The following DPYS variants were observed in gnomAD, a reference collection of about 807,000 sequenced individuals.
DPYS encodes dihydropyrimidine amidohydrolase.
In DPYS, 39 loss-of-function variants were observed where a neutral mutation model predicts 50.3. The ratio of observed to expected loss-of-function variants is 0.78; its 90% CI spans 0.60 to 1.01. The LOEUF is 1.01. Ranked by LOEUF, DPYS falls within the 50% of genes least tolerant of loss-of-function variation. DPYS has a pLI of 0.00. For synonymous variants in DPYS, 245 were observed against 250.7 expected, an observed-to-expected ratio of 0.98 and a Z score of 0.22; for missense variants, 659 against 680.9, an observed-to-expected ratio of 0.97 and a Z score of 0.36.
At chr8:104,411,906 A>C (rs117145281) in intron 7 of DPYS, 3 of 152,236 alleles carry the variant, frequency 2.0e-5, no homozygotes, top group Non-Finnish European at 4.4e-5. Flanking sequence ...TAACCTCAGC[A>C]TAAAAAAAAA....
chr8:104,410,488 G>T (rs907853269), intron 7 of DPYS, among the ~76,000 whole-genome samples: 2 of 152,066 alleles, frequency 1.3e-5, no homozygotes, highest in Admixed American at 1.3e-4. Context: ...AACTGAGAGC[G>T]CTTCCAAGGA....
At chr8:104,403,618 C>CT (rs912898603) in intron 7 of DPYS, among the ~76,000 whole-genome samples, 30 of 152,090 alleles carry the variant, frequency 2.0e-4, no homozygotes, top group South Asian at 8.3e-4. Flanking sequence ...AAACTTAACT[C>CT]TTTTTTTTGA....
chr8:104,423,080 C>G (rs1167885659), intron 7 of DPYS, among the ~76,000 whole-genome samples: 1 of 152,140 alleles, frequency 6.6e-6, no homozygotes, highest in African/African-American at 2.4e-5. Flanking sequence ...GCAATAGTTC[C>G]TTATTAACAT....
At chr8:104,396,734 G>A (rs1811601451) in intron 7 of DPYS, among the ~76,000 whole-genome samples, 1 of 149,542 alleles carries the variant, frequency 6.7e-6, no homozygotes, top group African/African-American at 2.5e-5. Flanking sequence ...TATCTTCAGT[G>A]TTCTTGTTAT....
At chr8:104,424,770 G>C (rs953080867) in intron 6 of DPYS, among the ~76,000 whole-genome samples, 9 of 151,450 alleles carry the variant, frequency 5.9e-5, no homozygotes, top group African/African-American at 2.2e-4. Flanking sequence ...TAAGATTTAT[G>C]AGATAATCAT....
chr8:104,418,381 A>G, intron 7 of DPYS, among the ~76,000 whole-genome samples: 1 of 152,236 alleles, frequency 6.6e-6, no homozygotes, highest in East Asian at 1.9e-4. Context: ...CCTGCATTTA[A>G]TGTTAAAATC....
chr8:104,416,141 G>A (rs1267673447), intron 7 of DPYS, among the ~76,000 whole-genome samples: 1 of 152,158 alleles, frequency 6.6e-6, no homozygotes, highest in Non-Finnish European at 1.5e-5. Context: ...GGCAGACTAG[G>A]AATTTATCAC....
In DPYS at chr8:104,466,681, G is replaced by T. The variant is rs979626563; in HGVS notation, c.240C>A (p.Ile80=). 6.6e-7 allele frequency: 1 copy of T among 1,526,112 alleles called. No individual in the cohort carries two copies. The highest frequency in any genetic ancestry group is 8.8e-7 in the Non-Finnish European group (1 of 1,140,408). 94.5% of individuals were successfully genotyped at this position (1,526,112 alleles called of 1,614,324 possible). The change falls in exon 1 of 10, where the codon ATC becomes ATA. Residue 80 remains isoleucine, a synonymous_variant. Coordinates refer to ENST00000351513, the MANE Select transcript of DPYS (RefSeq NM_001385.3). ...CCTTGGTGCCCTGGTGGAAGTCGTC[G>T]ATGGACCGCGAGCCCATGAAGGGGA... ...MQFPFMGSRS[I]DDFHQGTKAA... is the part of the protein sequence containing the mutation.
intron 4 of DPYS, among the ~76,000 whole-genome samples, chr8:104,437,510 C>A (rs988476601): frequency 6.6e-6 from 1 of 152,098 alleles, no homozygotes; most frequent in Middle Eastern, 3.2e-3. Flanking sequence ...AAATGCCATG[C>A]CAACATCTGG....
chr8:104,410,646 A>C (rs2140570887), intron 7 of DPYS, among the ~76,000 whole-genome samples: 1 of 152,212 alleles, frequency 6.6e-6, no homozygotes, highest in East Asian at 1.9e-4. Flanking sequence ...GTGCCAGGCA[A>C]ATTGGGAAGC....
chr8:104,460,910 C>A (rs1814133021), intron 1 of DPYS, among the ~76,000 whole-genome samples: 1 of 152,102 alleles, frequency 6.6e-6, no homozygotes. Flanking sequence ...TCAGCCTCAC[C>A]AGTTATTAAA....
chr8:104,465,855 AC>A (rs1814360010), intron 1 of DPYS, among the ~76,000 whole-genome samples: 1 of 152,082 alleles, frequency 6.6e-6, no homozygotes, highest in African/African-American at 2.4e-5. Context: ...GCCTACCTTC[AC>A]CTGGGGAGTG....
chr8:104,425,858 A>C (rs1241536119), intron 6 of DPYS, among the ~76,000 whole-genome samples: 5 of 152,146 alleles, frequency 3.3e-5, no homozygotes, highest in African/African-American at 1.2e-4. Flanking sequence ...TTGCCTTAAA[A>C]ATGACTAAGA....
intron 1 of DPYS, among the ~76,000 whole-genome samples, chr8:104,465,832 T>C (rs1159625697): frequency 6.6e-6 from 1 of 152,158 alleles, no homozygotes; most frequent in African/African-American, 2.4e-5. Flanking sequence ...CCTTTGTATC[T>C]AGAGAAACCC....
At chr8:104,444,547 T>G in intron 3 of DPYS, 110 bp from the exon 4 acceptor site, 4 of 1,202,374 alleles carry the variant, frequency 3.3e-6, no homozygotes, top group Non-Finnish European at 4.8e-6. Flanking sequence ...CTGTTAGGTA[T>G]AGGGGTGTGT....
chr8:104,434,296 G>T (rs781643925), intron 4 of DPYS, among the ~76,000 whole-genome samples: 4 of 152,202 alleles, frequency 2.6e-5, no homozygotes, highest in Non-Finnish European at 5.9e-5. Context: ...AGGCTTCAGA[G>T]AGAATAAATT....
intron 7 of DPYS, among the ~76,000 whole-genome samples, chr8:104,407,370 A>G (rs1812031309): frequency 6.6e-6 from 1 of 152,362 alleles, no homozygotes; most frequent in Admixed American, 6.5e-5. Flanking sequence ...AGAAATACTA[A>G]AGTACTTTAA....
chr8:104,459,383 C>A (rs191299933), intron 1 of DPYS, among the ~76,000 whole-genome samples: 1 of 152,320 alleles, frequency 6.6e-6, no homozygotes, highest in African/African-American at 2.4e-5. Context: ...AGATTAGAGA[C>A]CCATATACCT....
At chr8:104,384,654 C>T (rs1426945933) in intron 8 of DPYS, among the ~76,000 whole-genome samples, 5 of 152,240 alleles carry the variant, frequency 3.3e-5, no homozygotes, top group Non-Finnish European at 7.3e-5. Context: ...ATGTAGTTGA[C>T]ACTAGCAGTC....
Sources: allele counts gnomAD v4.1 joint callset (sites outside exome capture counted in the v4.1 genomes callset), GRCh38; gene constraint gnomAD v4.1.1; transcripts MANE v1.5; gene names NCBI Gene and HGNC (gene_info 2026-07-23, HGNC 2026-07-21).